The following GPC5 variants were observed in gnomAD, a reference collection of about 807,000 sequenced individuals.
The protein encoded by GPC5 is glypican 5.
In GPC5, 47 loss-of-function variants were observed where a neutral mutation model predicts 53.9. That is an observed-to-expected ratio of 0.87 (90% CI 0.69 to 1.11). The LOEUF (loss-of-function observed/expected upper bound fraction) is 1.11, where lower values mean the gene tolerates loss of function less well. GPC5 is among the 50% of genes most tolerant of loss of function. The pLI is 0.00. For synonymous variants in GPC5, 286 were observed against 263.3 expected, an observed-to-expected ratio of 1.09 and a Z score of -0.84; for missense variants, 748 against 713.1, an observed-to-expected ratio of 1.05 and a Z score of -0.56.
intron 5 of GPC5, among the ~76,000 whole-genome samples, chr13:91,877,264 G>A (rs1049874533): frequency 2.0e-5 from 3 of 152,182 alleles, no homozygotes; most frequent in African/African-American, 4.8e-5. Flanking sequence ...GAGGGCTGCT[G>A]TCCTCCAGAA....
intron 7 of GPC5, among the ~76,000 whole-genome samples, chr13:92,653,481 A>G (rs141623671): frequency 1.8e-3 from 280 of 152,282 alleles, no homozygotes; most frequent in African/African-American, 6.5e-3. Flanking sequence ...CAAATATCTC[A>G]TGTATTTGTA....
intron 7 of GPC5, among the ~76,000 whole-genome samples, chr13:92,862,646 T>C (rs1036930876): frequency 6.6e-6 from 1 of 151,780 alleles, no homozygotes; most frequent in Non-Finnish European, 1.5e-5. Flanking sequence ...GATAGATAGA[T>C]AGATAGATAG....
intron 5 of GPC5, among the ~76,000 whole-genome samples, chr13:91,824,832 GTTA>G (rs2038551120): frequency 6.6e-6 from 1 of 151,942 alleles, no homozygotes; most frequent in Non-Finnish European, 1.5e-5. Context: ...TTATTAAATA[GTTA>G]TTATAAAATC....
chr13:91,506,940 A>C (rs955059206), intron 2 of GPC5, among the ~76,000 whole-genome samples: 9 of 152,196 alleles, frequency 5.9e-5, no homozygotes, highest in African/African-American at 2.2e-4. Flanking sequence ...TAAGAAATAT[A>C]AATGAATAGC....
intron 6 of GPC5, among the ~76,000 whole-genome samples, chr13:92,116,605 G>T (rs1172031067): frequency 1.3e-5 from 2 of 152,202 alleles, no homozygotes; most frequent in East Asian, 3.8e-4. Flanking sequence ...TATAAACAAT[G>T]TATGCTAAAC....
At chr13:92,296,154 G>A (rs1362690405) in intron 7 of GPC5, among the ~76,000 whole-genome samples, 1 of 152,128 alleles carries the variant, frequency 6.6e-6, no homozygotes, top group African/African-American at 2.4e-5. Flanking sequence ...ACCAGCACCT[G>A]TTCTGGTGGC....
intron 7 of GPC5, among the ~76,000 whole-genome samples, chr13:92,531,116 G>A (rs1029796653): frequency 6.6e-6 from 1 of 152,086 alleles, no homozygotes; most frequent in Admixed American, 6.6e-5. Context: ...CCACATCTTA[G>A]ATGTTGAAAC....
chr13:91,580,622 A>C (rs995186242), intron 2 of GPC5, among the ~76,000 whole-genome samples: 3 of 147,644 alleles, frequency 2.0e-5, no homozygotes, highest in Non-Finnish European at 4.4e-5. Context: ...ACTGTTTGAC[A>C]TAGAAACACC....
At chr13:92,660,034 T>G (rs1304136031) in intron 7 of GPC5, among the ~76,000 whole-genome samples, 1 of 152,164 alleles carries the variant, frequency 6.6e-6, no homozygotes, top group African/African-American at 2.4e-5. Context: ...CACAGCCCCC[T>G]TTGTTCCATT....
At chr13:92,368,605 C>A (rs2043624800) in intron 7 of GPC5, among the ~76,000 whole-genome samples, 2 of 138,786 alleles carry the variant, frequency 1.4e-5, no homozygotes, top group Non-Finnish European at 3.0e-5. Context: ...CCACTACATT[C>A]CAGCCTGGGT....
In GPC5 at chr13:92,028,305, C is replaced by G. The variant is rs187553111; in HGVS notation, c.1402-116525C>G. Among the ~76,000 whole-genome samples the G allele has an allele frequency of 2.3e-3, 344 of 152,170 alleles. 1 individual carries two copies. The highest frequency in any genetic ancestry group is 4.8e-3 in the Admixed American group (74 of 15,276). ...AAAAATAAATTATTTAATATAGAAACAGCAGGTCCAGCTGTTTAAATATCA... is the reference window on the plus strand; with the variant it reads ...AAAAATAAATTATTTAATATAGAAAGAGCAGGTCCAGCTGTTTAAATATCA... On this transcript the variant is annotated intron_variant, in intron 6 of 7. Coordinates refer to ENST00000377067, the MANE Select transcript of GPC5 (RefSeq NM_004466.6).
chr13:91,428,405 GA>G (rs35829215), intron 1 of GPC5, among the ~76,000 whole-genome samples: 1 of 152,084 alleles, frequency 6.6e-6, no homozygotes, highest in Non-Finnish European at 1.5e-5. Flanking sequence ...GGTAGGCTTG[GA>G]AAAAAGCATC....
chr13:91,428,952 C>G (rs926163468), intron 1 of GPC5, among the ~76,000 whole-genome samples: 16 of 152,122 alleles, frequency 1.1e-4, no homozygotes, highest in African/African-American at 3.6e-4. Flanking sequence ...GAGAGTCTCA[C>G]TCTGTTGCCC....
At chr13:91,967,194 C>G (rs1438741183) in intron 6 of GPC5, among the ~76,000 whole-genome samples, 1 of 152,032 alleles carries the variant, frequency 6.6e-6, no homozygotes, top group Non-Finnish European at 1.5e-5. Context: ...ATAAAACCAT[C>G]AGATCTGGTG....
intron 3 of GPC5, among the ~76,000 whole-genome samples, chr13:91,708,559 G>GT (rs1469308277): frequency 1.3e-5 from 2 of 152,052 alleles, no homozygotes; most frequent in African/African-American, 4.8e-5. Flanking sequence ...GGCAATATGG[G>GT]TTTTTTTGGA....
At chr13:92,235,172 T>C (rs2042561050) in intron 7 of GPC5, among the ~76,000 whole-genome samples, 1 of 152,172 alleles carries the variant, frequency 6.6e-6, no homozygotes, top group Non-Finnish European at 1.5e-5. Context: ...ATTATTTTAC[T>C]TACTCCAGGA....
intron 3 of GPC5, among the ~76,000 whole-genome samples, chr13:91,698,277 A>G (rs941628509): frequency 6.6e-6 from 1 of 152,150 alleles, no homozygotes; most frequent in Non-Finnish European, 1.5e-5. Flanking sequence ...TTGTACTCAA[A>G]TTACTTTAGA....
At chr13:92,194,391 C>T (rs777665366) in intron 7 of GPC5, among the ~76,000 whole-genome samples, 2 of 152,150 alleles carry the variant, frequency 1.3e-5, no homozygotes, top group Non-Finnish European at 2.9e-5. Context: ...AATACCGTCA[C>T]TGTGGACTAG....
In GPC5 at chr13:92,856,363, A is replaced by G. The variant is rs558400278; in HGVS notation, c.1562-9919A>G. On this transcript the variant is annotated intron_variant, in intron 7 of 7. Transcript: ENST00000377067. ...AAATACCTGTAAAGAAGAGCCGTCTATGACAAACACACAAGTAACATCCCA... is the reference window on the plus strand; with the variant it reads ...AAATACCTGTAAAGAAGAGCCGTCTGTGACAAACACACAAGTAACATCCCA... Among the ~76,000 whole-genome samples, 182 of 152,232 alleles carry G rather than the reference A, an allele frequency of 1.2e-3. 1 individual carries two copies. Among genetic ancestry groups the G allele is most frequent in the African/African-American group, 4.3e-3 (178 of 41,572 alleles).
Sources: gnomAD v4.1 joint callset for allele counts (sites outside exome capture counted in the v4.1 genomes callset) on GRCh38, gnomAD v4.1.1 for gene constraint, MANE v1.5 for transcripts, NCBI Gene and HGNC (gene_info 2026-07-23, HGNC 2026-07-21) for gene names.